Variants in MAP2K5 observed in about 807,000 individuals in gnomAD.
The protein encoded by MAP2K5 is mitogen-activated protein kinase kinase 5.
A neutral mutation model predicts 83.1 loss-of-function variants in MAP2K5; 49 were observed. The ratio of observed to expected loss-of-function variants is 0.59; its 90% CI spans 0.47 to 0.75. MAP2K5 has a LOEUF of 0.75. MAP2K5 is among the 30% of genes least tolerant of loss of function. The probability of loss-of-function intolerance (pLI) is 0.00; values close to 1 mark genes in which losing one functional copy is unlikely to be tolerated. For synonymous variants in MAP2K5, 202 were observed against 191.8 expected, an observed-to-expected ratio of 1.05 and a Z score of -0.44; for missense variants, 457 against 557.5, an observed-to-expected ratio of 0.82 and a Z score of 1.82.
At chr15:67,706,571 T>C (rs1156444717) in intron 16 of MAP2K5, among the ~76,000 whole-genome samples, 2 of 152,058 alleles carry the variant, frequency 1.3e-5, no homozygotes, top group African/African-American at 4.8e-5. Context: ...GAGGAAGAGA[T>C]GTTGTTAGAG....
At position 67,698,894 on chromosome 15, in the gene MAP2K5, C is replaced by T. The variant is rs1005160848; in HGVS notation, c.973-4443C>T. 2.0e-5 allele frequency among the ~76,000 whole-genome samples: 3 copies of T among 152,120 alleles called. No individual in the cohort carries two copies. The highest frequency in any genetic ancestry group is 7.2e-5 in the African/African-American group (3 of 41,420). The stretch of plus-strand genomic sequence containing the variant: ...ATGTGGCACGTACTGAAGCACATTA[C>T]GGGATTCATTTAATCTTCACACAAC... On this transcript the variant is annotated intron_variant, in intron 15 of 21. Coordinates refer to ENST00000178640, the MANE Select transcript of MAP2K5 (RefSeq NM_145160.3). This position sits in a 1 kb window ranked among gnomAD's most constrained non-coding sequence, Gnocchi z 4.5.
intron 13 of MAP2K5, among the ~76,000 whole-genome samples, chr15:67,679,446 C>T (rs955378961): frequency 2.0e-5 from 3 of 152,192 alleles, no homozygotes; most frequent in South Asian, 2.1e-4. Context: ...GTTATTGAGG[C>T]AACTATGGTT....
chr15:67,656,269 A>G (rs890012056), intron 11 of MAP2K5, among the ~76,000 whole-genome samples: 10 of 152,260 alleles, frequency 6.6e-5, no homozygotes, highest in African/African-American at 1.7e-4. Context: ...TTTAAACTGC[A>G]AAAAGTTCAC....
intron 8 of MAP2K5, among the ~76,000 whole-genome samples, chr15:67,612,654 A>G (rs1421445907): frequency 6.6e-6 from 1 of 152,184 alleles, no homozygotes; most frequent in African/African-American, 2.4e-5. Flanking sequence ...TGATATGCCC[A>G]TTTCATGAAG....
chr15:67,661,883 C>G (rs1001357871), intron 12 of MAP2K5, among the ~76,000 whole-genome samples: 3 of 152,024 alleles, frequency 2.0e-5, no homozygotes, highest in Non-Finnish European at 4.4e-5. Flanking sequence ...TCCTATTACT[C>G]AAAGAGAAAA....
chr15:67,671,829 C>T (rs1244201911), intron 13 of MAP2K5, among the ~76,000 whole-genome samples: 11 of 116,042 alleles, frequency 9.5e-5, no homozygotes, highest in Admixed American at 2.3e-4. Flanking sequence ...CACCCCACAA[C>T]AGTCCCCAGA....
chr15:67,713,376 T>A (rs571334209), intron 16 of MAP2K5, among the ~76,000 whole-genome samples: 1 of 152,224 alleles, frequency 6.6e-6, no homozygotes, highest in South Asian at 2.1e-4. Context: ...TGAATTGTGA[T>A]CTTCTATACG....
chr15:67,571,556 T>A (rs138488138), intron 3 of MAP2K5, among the ~76,000 whole-genome samples: 1 of 152,192 alleles, frequency 6.6e-6, no homozygotes, highest in African/African-American at 2.4e-5. Flanking sequence ...CTATGTACTC[T>A]TACTTGGAAA....
At chr15:67,593,700 C>T (rs1227623808) in intron 7 of MAP2K5, among the ~76,000 whole-genome samples, 2 of 152,236 alleles carry the variant, frequency 1.3e-5, no homozygotes, top group African/African-American at 2.4e-5. Context: ...CTGTCCATTG[C>T]GATCAAGCCT....
Position 67,720,410 on chromosome 15 carries a change from G to C in MAP2K5, c.1045-7506G>C, listed in dbSNP as rs79088618. Among the ~76,000 whole-genome samples, 1 of 152,038 alleles carries C rather than the reference G, an allele frequency of 6.6e-6. No individual in the cohort carries two copies. Among genetic ancestry groups the C allele is most frequent in the African/African-American group, 2.4e-5 (1 of 41,382 alleles). On this transcript the variant is annotated intron_variant, in intron 16 of 21. Transcript: ENST00000178640. This position sits in a 1 kb window ranked among gnomAD's most constrained non-coding sequence, Gnocchi z 5.7. ...AAGAAAATGATGTAAGTGAAATAGC[G>C]TATGGGAGAGGAAGGAGAATTATGT...
At position 67,782,110 on chromosome 15, in the gene MAP2K5, G is replaced by A. The variant is rs1022214091; in HGVS notation, c.1242+9358G>A. Among the ~76,000 whole-genome samples the A allele has an allele frequency of 6.6e-6, 1 of 152,184 alleles. No homozygotes were observed. Among genetic ancestry groups the A allele is most frequent in the East Asian group, 1.9e-4 (1 of 5,190 alleles). ...TGTGGAAGAGCCTTTTAGCACCTTT[G>A]TTGTAGCCATCCCTGGTGATGATTG... is the stretch of plus-strand genomic sequence containing the variant. On this transcript the variant is annotated intron_variant, in intron 21 of 21. Coordinates refer to ENST00000178640, the MANE Select transcript of MAP2K5 (RefSeq NM_145160.3). This position sits in a 1 kb window ranked among gnomAD's most constrained non-coding sequence, Gnocchi z 4.9.
intron 17 of MAP2K5, among the ~76,000 whole-genome samples, chr15:67,729,060 T>C (rs1052834895): frequency 6.6e-6 from 1 of 152,248 alleles, no homozygotes; most frequent in Non-Finnish European, 1.5e-5. Context: ...ATAGACTTTT[T>C]TGTTTAAATG....
chr15:67,732,043 C>T (rs1027648021), intron 17 of MAP2K5, among the ~76,000 whole-genome samples: 2 of 152,186 alleles, frequency 1.3e-5, no homozygotes, highest in Non-Finnish European at 2.9e-5. Context: ...CCATTAAATT[C>T]TGGGTGCTTG....
chr15:67,723,236 C>T (rs1400838464), intron 16 of MAP2K5, among the ~76,000 whole-genome samples: 1 of 152,026 alleles, frequency 6.6e-6, no homozygotes, highest in East Asian at 1.9e-4. Flanking sequence ...AGATTTTTAT[C>T]GTGTTATATA....
chr15:67,612,934 A>AG (rs960522704), intron 8 of MAP2K5, among the ~76,000 whole-genome samples: 5 of 152,168 alleles, frequency 3.3e-5, no homozygotes, highest in Non-Finnish European at 5.9e-5. Flanking sequence ...TCTGCTTGTT[A>AG]GTTAAAGTAA....
At chr15:67,582,460 T>G (rs2085199495) in intron 4 of MAP2K5, among the ~76,000 whole-genome samples, 2 of 152,182 alleles carry the variant, frequency 1.3e-5, no homozygotes, top group Non-Finnish European at 2.9e-5. Flanking sequence ...ACTGAAAATT[T>G]CCATTAATTT....
rs369432814 is a variant in MAP2K5, at chr15:67,782,344, C to A, written c.1242+9592C>A. 1.3e-5 allele frequency among the ~76,000 whole-genome samples: 2 copies of A among 152,188 alleles called. No homozygotes were observed. On this transcript the variant is annotated intron_variant, in intron 21 of 21. Transcript: ENST00000178640. The surrounding 1 kb of genome is among the most constrained non-coding windows in gnomAD (Gnocchi z 4.9). ...AACAACTGCAATTAAGGCAAATCTGCCGATGTAAACAAAATTTAGCAGAAA... is the reference window on the plus strand; with the variant it reads ...AACAACTGCAATTAAGGCAAATCTGACGATGTAAACAAAATTTAGCAGAAA...
rs796834930 is a variant in MAP2K5, at chr15:67,750,448, G to A, written c.1134+1847G>A. ...GCATCTCGGAAAGGAAGGATTGGTG[G>A]GGTCCTGTACTTACTGCACTTGTCC... On this transcript the variant is annotated intron_variant, in intron 19 of 21. Coordinates refer to ENST00000178640, the MANE Select transcript of MAP2K5 (RefSeq NM_145160.3). This position sits in a 1 kb window ranked among gnomAD's most constrained non-coding sequence, Gnocchi z 4.2. Among the ~76,000 whole-genome samples the A allele has an allele frequency of 2.0e-5, 3 of 152,288 alleles. No individual in the cohort carries two copies. Among genetic ancestry groups the A allele is most frequent in the African/African-American group, 7.2e-5 (3 of 41,560 alleles).
chr15:67,654,834 G>T lies in MAP2K5; in HGVS notation c.737-3719G>T, dbSNP rs1003335663. Among the ~76,000 whole-genome samples the T allele has an allele frequency of 2.0e-4, 30 of 152,110 alleles. 1 individual carries two copies. Among genetic ancestry groups the T allele is most frequent in the African/African-American group, 2.4e-5 (1 of 41,416 alleles). On this transcript the variant is annotated intron_variant, in intron 11 of 21. Coordinates refer to ENST00000178640, the MANE Select transcript of MAP2K5 (RefSeq NM_145160.3). ...CCAGCACTTTGGGAGGCCGAGGTGC[G>T]CGGATCACCTGAGGTCAGGAGTTCA...
Sources: allele counts gnomAD v4.1 joint callset (sites outside exome capture counted in the v4.1 genomes callset), GRCh38; gene constraint gnomAD v4.1.1; non-coding constraint Gnocchi (gnomAD v3.1); transcripts MANE v1.5; gene names NCBI Gene and HGNC (gene_info 2026-07-23, HGNC 2026-07-21).